PREX2: variants seen among roughly 807,000 people sequenced by gnomAD.
PREX2 encodes the protein phosphatidylinositol 3,4,5-trisphosphate-dependent Rac exchanger 2 protein.
In PREX2, 107 loss-of-function variants were observed where a neutral mutation model predicts 203.2. That is an observed-to-expected ratio of 0.53 (90% CI 0.45 to 0.62). The LOEUF (loss-of-function observed/expected upper bound fraction) is 0.62, where lower values mean the gene tolerates loss of function less well. Among genes scored for constraint, PREX2 ranks in the 20% least tolerant of loss-of-function variants. The probability of loss-of-function intolerance (pLI) is 0.00; values close to 1 mark genes in which losing one functional copy is unlikely to be tolerated. For synonymous variants in PREX2, 672 were observed against 663.6 expected (o/e 1.01, Z -0.19); for missense variants, 1,777 against 1,955.9 (o/e 0.91, Z 1.72).
At chr8:68,116,271 T>C (rs1395686607) in intron 26 of PREX2, among the ~76,000 whole-genome samples, 1 of 152,220 alleles carries the variant, frequency 6.6e-6, no homozygotes, top group African/African-American at 2.4e-5. Context: ...TATCTGTTTC[T>C]GTCACTGGTT....
intron 37 of PREX2, among the ~76,000 whole-genome samples, chr8:68,197,828 A>T (rs1041620633): frequency 2.7e-5 from 4 of 149,700 alleles, no homozygotes; most frequent in African/African-American, 9.8e-5. Flanking sequence ...ATATACATAT[A>T]AAATGAGCAC....
At chr8:68,226,487 G>A (rs898973475) in intron 39 of PREX2, among the ~76,000 whole-genome samples, 4 of 152,168 alleles carry the variant, frequency 2.6e-5, no homozygotes, top group Non-Finnish European at 4.4e-5. Flanking sequence ...CCATCCATGA[G>A]CAAAGCTGGG....
At chr8:68,170,115 A>C (rs1274712846) in intron 35 of PREX2, among the ~76,000 whole-genome samples, 1 of 152,104 alleles carries the variant, frequency 6.6e-6, no homozygotes, top group Non-Finnish European at 1.5e-5. Context: ...GAATGGATGC[A>C]CTCAAGTCAT....
At chr8:68,003,244 G>A (rs1292784554) in intron 1 of PREX2, among the ~76,000 whole-genome samples, 1 of 151,958 alleles carries the variant, frequency 6.6e-6, no homozygotes, top group Non-Finnish European at 1.5e-5. Context: ...TCAAACTCCT[G>A]GGCTCAAGTG....
At chr8:68,090,996 C>A (rs1305140703) in intron 20 of PREX2, among the ~76,000 whole-genome samples, 4 of 152,038 alleles carry the variant, frequency 2.6e-5, no homozygotes, top group African/African-American at 9.7e-5. Context: ...AAATTGAAAT[C>A]CAAAGGTTTG....
intron 1 of PREX2, among the ~76,000 whole-genome samples, chr8:67,966,725 C>G (rs1183967881): frequency 6.6e-6 from 1 of 152,190 alleles, no homozygotes; most frequent in Non-Finnish European, 1.5e-5. Flanking sequence ...ATGAATCAGG[C>G]AACCTAAAAA....
At chr8:68,192,250 A>G (rs1812309658) in intron 36 of PREX2, 85 bp from the exon 37 acceptor site, 1 of 993,020 alleles carries the variant, frequency 1.0e-6, no homozygotes. Context: ...AAAATTTTAG[A>G]CTATTCTTTA....
Position 68,080,769 on chromosome 8 carries a change from T to C in PREX2, c.1809T>C (p.Tyr603=), listed in dbSNP as rs1259879436. 5.1e-6 allele frequency: 8 copies of C among 1,571,662 alleles called. No individual in the cohort carries two copies. The highest frequency in any genetic ancestry group is 1.2e-5 in the South Asian group (1 of 86,940). ...AGATTAAATCCAATGAAGGCAGCTA[T>C]GGCTTTGGATTAGAAGACAAAAATA... is the stretch of plus-strand genomic sequence containing the variant. The part of the protein sequence containing the change: ...SLLIKSNEGS[Y]GFGLEDKNKV... The change falls in exon 17 of 40, where the codon TAT becomes TAC. Residue 603 remains tyrosine (Y), a synonymous_variant. Transcript: ENST00000288368.
At chr8:68,081,838 G>T (rs1418872636) in intron 17 of PREX2, among the ~76,000 whole-genome samples, 1 of 150,768 alleles carries the variant, frequency 6.6e-6, no homozygotes, top group Admixed American at 6.6e-5. Context: ...GGGATTACAG[G>T]CCCATGCCAC....
chr8:68,087,915 C>A, intron 19 of PREX2, 106 bp downstream of exon 19: 1 of 806,816 alleles, frequency 1.2e-6, no homozygotes, highest in Non-Finnish European at 2.2e-6. Context: ...TGATGATTCT[C>A]AATTATATTT....
At chr8:68,002,723 G>A (rs1003761062) in intron 1 of PREX2, among the ~76,000 whole-genome samples, 16 of 152,054 alleles carry the variant, frequency 1.1e-4, no homozygotes, top group Admixed American at 7.2e-4. Context: ...GCTGCAAAAT[G>A]TGAGTGGTTC....
At chr8:68,110,297 T>C (rs1276825474) in intron 25 of PREX2, among the ~76,000 whole-genome samples, 2 of 152,200 alleles carry the variant, frequency 1.3e-5, no homozygotes, top group East Asian at 3.8e-4. Flanking sequence ...ATGCTTCACA[T>C]CTAGTCCAGA....
chr8:68,194,645 A>T (rs939126865), intron 37 of PREX2, among the ~76,000 whole-genome samples: 1 of 149,896 alleles, frequency 6.7e-6, no homozygotes, highest in African/African-American at 2.5e-5. Context: ...AAAAAAAAAT[A>T]CAAAAATTAG....
At chr8:68,000,616 C>T (rs1806910960) in intron 1 of PREX2, among the ~76,000 whole-genome samples, 1 of 152,146 alleles carries the variant, frequency 6.6e-6, no homozygotes, top group South Asian at 2.1e-4. Context: ...TTACGTGGAA[C>T]CAAAAAACAA....
At chr8:68,176,763 A>G (rs1381186833) in intron 35 of PREX2, 1 of 152,194 alleles carries the variant, frequency 6.6e-6, no homozygotes, top group Non-Finnish European at 1.5e-5. Context: ...GAACAAAATT[A>G]ACATCAAGAG....
chr8:68,036,560 C>G lies in PREX2; in HGVS notation c.706-1599C>G, dbSNP rs571934896. ...ATTGCTATAAATTAATACCACTTTGCTTAATGAACACATGATAAAGTACAT... is the reference window on the plus strand; with the variant it reads ...ATTGCTATAAATTAATACCACTTTGGTTAATGAACACATGATAAAGTACAT... On this transcript the variant is annotated intron_variant, in intron 6 of 39. Coordinates refer to ENST00000288368, the MANE Select transcript of PREX2 (RefSeq NM_024870.4). 1.6e-3 allele frequency among the ~76,000 whole-genome samples: 248 copies of G among 152,142 alleles called. 1 individual carries two copies. The highest frequency in any genetic ancestry group is 2.4e-3 in the Non-Finnish European group (162 of 68,000).
chr8:68,167,787 G>T (rs1368414368), intron 35 of PREX2, among the ~76,000 whole-genome samples: 1 of 151,912 alleles, frequency 6.6e-6, no homozygotes, highest in Non-Finnish European at 1.5e-5. Context: ...TTTTAGTATT[G>T]GACTGGAATA....
intron 1 of PREX2, among the ~76,000 whole-genome samples, chr8:67,992,353 G>A (rs1806634778): frequency 6.6e-6 from 1 of 152,108 alleles, no homozygotes; most frequent in Admixed American, 6.5e-5. Flanking sequence ...TATTTTCATG[G>A]ATAAATGTCT....
intron 4 of PREX2, among the ~76,000 whole-genome samples, chr8:68,024,242 T>C (rs980998604): frequency 3.7e-4 from 56 of 152,196 alleles, no homozygotes; most frequent in African/African-American, 1.3e-3. Context: ...ATTCATATTA[T>C]TCATATTGTT....
Sources: gnomAD v4.1 joint callset for allele counts (sites outside exome capture counted in the v4.1 genomes callset) on GRCh38, gnomAD v4.1.1 for gene constraint, MANE v1.5 for transcripts, NCBI Gene and HGNC (gene_info 2026-07-23, HGNC 2026-07-21) for gene names.